The following PITPNC1 variants were observed in gnomAD, a reference collection of about 807,000 sequenced individuals.
The protein encoded by PITPNC1 is cytoplasmic phosphatidylinositol transfer protein 1.
In PITPNC1, 18 loss-of-function variants were observed where a neutral mutation model predicts 44.7. The ratio of observed to expected loss-of-function variants is 0.40; its 90% CI spans 0.28 to 0.60. PITPNC1 has a LOEUF of 0.60. Ranked by LOEUF, PITPNC1 falls within the 20% of genes least tolerant of loss-of-function variation. The pLI is 0.39. For missense variants in PITPNC1, 290 were observed against 418.4 expected, an observed-to-expected ratio of 0.69 and a Z score of 2.68; for synonymous variants, 141 against 149.6, an observed-to-expected ratio of 0.94 and a Z score of 0.42.
chr17:67,585,319 A>C (rs988048899), intron 5 of PITPNC1, among the ~76,000 whole-genome samples: 1 of 152,188 alleles, frequency 6.6e-6, no homozygotes, highest in Non-Finnish European at 1.5e-5. Flanking sequence ...TTGAGGCTTG[A>C]GTATGGGAAG....
chr17:67,525,366 G>A (rs1451419426), intron 1 of PITPNC1: 6 of 152,214 alleles, frequency 3.9e-5, no homozygotes, highest in African/African-American at 1.4e-4. Flanking sequence ...ATTCAACTCT[G>A]CCATTGTAAA....
At chr17:67,608,953 T>C (rs1214717809) in intron 5 of PITPNC1, among the ~76,000 whole-genome samples, 1 of 152,196 alleles carries the variant, frequency 6.6e-6, no homozygotes, top group African/African-American at 2.4e-5. Context: ...TTAGCAATAC[T>C]GAGTCATTGT....
intron 7 of PITPNC1, among the ~76,000 whole-genome samples, chr17:67,670,750 C>CA (rs61094990): frequency 0.12 from 7,158 of 59,890 alleles, 450 homozygotes; most frequent in Admixed American, 0.18. Context: ...GACTCCATCT[C>CA]AAAAAAAAAA....
At chr17:67,668,358 C>G (rs189461081) in intron 6 of PITPNC1, among the ~76,000 whole-genome samples, 2 of 152,286 alleles carry the variant, frequency 1.3e-5, no homozygotes, top group East Asian at 3.9e-4. Flanking sequence ...TGCACCTAGA[C>G]CACAATTTAT....
At chr17:67,481,681 A>T (rs2039704192) in intron 1 of PITPNC1, among the ~76,000 whole-genome samples, 1 of 152,192 alleles carries the variant, frequency 6.6e-6, no homozygotes, top group Non-Finnish European at 1.5e-5. Context: ...AATAAATTTA[A>T]AAAGGAAGTT....
intron 1 of PITPNC1, among the ~76,000 whole-genome samples, chr17:67,410,001 C>T (rs1216284195): frequency 6.6e-6 from 1 of 152,192 alleles, no homozygotes; most frequent in African/African-American, 2.4e-5. Context: ...GTGAGTTTCT[C>T]TCCAGAGTAT....
At chr17:67,540,326 A>G (rs1167550544) in intron 2 of PITPNC1, among the ~76,000 whole-genome samples, 1 of 151,998 alleles carries the variant, frequency 6.6e-6, no homozygotes, top group Non-Finnish European at 1.5e-5. Flanking sequence ...GCTGGTTTCT[A>G]ACTCCTTACC....
intron 1 of PITPNC1, among the ~76,000 whole-genome samples, chr17:67,401,887 C>T (rs1381634174): frequency 6.6e-6 from 1 of 152,074 alleles, no homozygotes; most frequent in African/African-American, 2.4e-5. Context: ...GATTGTTCTC[C>T]TTTGATCTTC....
At chr17:67,461,814 TAAACAA>T (rs2039342420) in intron 1 of PITPNC1, among the ~76,000 whole-genome samples, 1 of 152,158 alleles carries the variant, frequency 6.6e-6, no homozygotes, top group African/African-American at 2.4e-5. Context: ...ACCCTGTCTC[TAAACAA>T]AAACAAAAAC....
intron 5 of PITPNC1, among the ~76,000 whole-genome samples, chr17:67,610,637 C>T (rs2041675184): frequency 6.6e-6 from 1 of 151,932 alleles, no homozygotes; most frequent in South Asian, 2.1e-4. Flanking sequence ...AAAATACAAA[C>T]ATTAGCCGGG....
At position 67,425,388 on chromosome 17, in the gene PITPNC1, G is replaced by A. The variant is rs1177935385; in HGVS notation, c.48+47186G>A. Among the ~76,000 whole-genome samples, 7 of 151,752 alleles carry A rather than the reference G, an allele frequency of 4.6e-5. No individual in the cohort carries two copies. The South Asian group carries it at 1.0e-3, about 23-fold the overall frequency. ...TAAACCCTTGCTATGGGCAAGGGTT[G>A]ACAAACTTTTTTTTTCTTTTCTTTC... On this transcript the variant is annotated intron_variant, in intron 1 of 8. Coordinates refer to ENST00000581322, the MANE Select transcript of PITPNC1 (RefSeq NM_012417.4).
At chr17:67,436,427 G>A (rs577042775) in intron 1 of PITPNC1, among the ~76,000 whole-genome samples, 4 of 152,158 alleles carry the variant, frequency 2.6e-5, no homozygotes, top group Non-Finnish European at 4.4e-5. Flanking sequence ...GCAAGTACTA[G>A]CATGGCCTCT....
intron 1 of PITPNC1, among the ~76,000 whole-genome samples, chr17:67,397,533 C>T (rs1245843461): frequency 2.6e-5 from 4 of 152,032 alleles, no homozygotes; most frequent in Non-Finnish European, 5.9e-5. Context: ...GAAATGACGT[C>T]GGGGGTTAAT....
At chr17:67,542,696 AC>A (rs2040624253) in intron 2 of PITPNC1, among the ~76,000 whole-genome samples, 1 of 152,078 alleles carries the variant, frequency 6.6e-6, no homozygotes, top group African/African-American at 2.4e-5. Context: ...ATTATCATTG[AC>A]CTATGGACCT....
chr17:67,575,818 CT>C lies in PITPNC1; in HGVS notation c.295-2365del, dbSNP rs1318556968. Among the ~76,000 whole-genome samples the C allele has an allele frequency of 3.5e-5, 4 of 113,160 alleles. 1 individual carries two copies. Among genetic ancestry groups the C allele is most frequent in the African/African-American group, 9.5e-5 (3 of 31,480 alleles). The allele number at this position is 113,160 out of a possible 152,430, so 74.2% of individuals were successfully genotyped here. On this transcript the variant is annotated intron_variant, in intron 4 of 8. Coordinates refer to ENST00000581322, the MANE Select transcript of PITPNC1 (RefSeq NM_012417.4). ...TCCTTCTTTCTTTCTTTCTTTCTTTCTTTCCTTCCTTCCTTCCTTCCTTCTT... is the reference window on the plus strand; with the variant it reads ...TCCTTCTTTCTTTCTTTCTTTCTTTCTTCCTTCCTTCCTTCCTTCCTTCTT...
chr17:67,422,654 T>G (rs952960556), intron 1 of PITPNC1, among the ~76,000 whole-genome samples: 4 of 152,212 alleles, frequency 2.6e-5, no homozygotes, highest in Admixed American at 2.0e-4. Context: ...TTCAAGAGAT[T>G]CTCCTGCCTC....
At chr17:67,654,342 G>T (rs1180226571) in intron 6 of PITPNC1, among the ~76,000 whole-genome samples, 1 of 152,088 alleles carries the variant, frequency 6.6e-6, no homozygotes, top group African/African-American at 2.4e-5. Context: ...CATGCTGTTG[G>T]GCAGTCATAT....
At chr17:67,572,477 G>C (rs566617746) in intron 4 of PITPNC1, among the ~76,000 whole-genome samples, 8 of 116,122 alleles carry the variant, frequency 6.9e-5, no homozygotes, top group South Asian at 7.5e-4. Flanking sequence ...GCGGGGGGGG[G>C]GGGTAAAGAA....
At chr17:67,388,093 C>T (rs1459825166) in intron 1 of PITPNC1, among the ~76,000 whole-genome samples, 1 of 152,160 alleles carries the variant, frequency 6.6e-6, no homozygotes, top group Non-Finnish European at 1.5e-5. Context: ...TTAAGGAACC[C>T]TGATCCTCTA....
Sources: allele counts gnomAD v4.1 joint callset (sites outside exome capture counted in the v4.1 genomes callset), GRCh38; gene constraint gnomAD v4.1.1; transcripts MANE v1.5; gene names NCBI Gene and HGNC (gene_info 2026-07-23, HGNC 2026-07-21).